Variants in TGFA observed in about 807,000 individuals in gnomAD.
TGFA encodes protransforming growth factor alpha.
A neutral mutation model predicts 21.7 loss-of-function variants in TGFA; 12 were observed. The observed-to-expected ratio is 0.55, with a 90% CI of 0.35 to 0.90. The LOEUF is 0.90. Among genes scored for constraint, TGFA ranks in the 40% least tolerant of loss-of-function variants. TGFA has a pLI of 0.01. For synonymous variants in TGFA, 79 were observed against 88.1 expected (o/e 0.90, Z 0.58); for missense variants, 178 against 210.8 (o/e 0.84, Z 0.96).
At chr2:70,504,469 C>CATACATATATATATATATATATATAT (rs1553499794) in intron 2 of TGFA, among the ~76,000 whole-genome samples, 7 of 80,646 alleles carry the variant, frequency 8.7e-5, no homozygotes, top group Admixed American at 1.3e-4. Flanking sequence ...TATATACACA[C>CATACATATATATATATATATATATAT]ATACATACAT....
chr2:70,528,484 T>C (rs1672709491), intron 1 of TGFA, among the ~76,000 whole-genome samples: 1 of 89,388 alleles, frequency 1.1e-5, no homozygotes, highest in Non-Finnish European at 2.2e-5. Flanking sequence ...AAGGCAGGGG[T>C]TGGGGGAGTG....
intron 2 of TGFA, among the ~76,000 whole-genome samples, chr2:70,508,105 A>G (rs1180937521): frequency 3.9e-5 from 6 of 152,350 alleles, no homozygotes; most frequent in African/African-American, 1.4e-4. Context: ...GTTTTGGAAA[A>G]ATGAAGACGA....
chr2:70,528,668 A>G (rs2103896311), intron 1 of TGFA, among the ~76,000 whole-genome samples: 1 of 152,356 alleles, frequency 6.6e-6, no homozygotes, highest in East Asian at 1.9e-4. Context: ...CCCACAAAAA[A>G]GATGATGTAT....
intron 2 of TGFA, among the ~76,000 whole-genome samples, chr2:70,497,263 T>C (rs1265370395): frequency 6.6e-6 from 1 of 152,258 alleles, no homozygotes; most frequent in East Asian, 1.9e-4. Context: ...TTACTATGTA[T>C]GTTCTTGTAG....
intron 2 of TGFA, among the ~76,000 whole-genome samples, chr2:70,504,433 A>AATATAGATATATAT (rs1671838560): frequency 1.6e-5 from 1 of 62,444 alleles, no homozygotes; most frequent in Non-Finnish European, 3.2e-5. Flanking sequence ...AAACAAAACA[A>AATATAGATATATAT]ATATATATAT....
At chr2:70,474,408 C>T (rs1670862839) in intron 2 of TGFA, among the ~76,000 whole-genome samples, 1 of 152,202 alleles carries the variant, frequency 6.6e-6, no homozygotes, top group Admixed American at 6.5e-5. Context: ...TCCCAACCCA[C>T]AAATCACGCT....
At chr2:70,539,065 A>T (rs1482244370) in intron 1 of TGFA, among the ~76,000 whole-genome samples, 1 of 152,248 alleles carries the variant, frequency 6.6e-6, no homozygotes, top group Non-Finnish European at 1.5e-5. Context: ...TGATTTGCTG[A>T]AGGCTTAGAT....
intron 1 of TGFA, among the ~76,000 whole-genome samples, chr2:70,548,606 C>T (rs1306968356): frequency 1.3e-5 from 2 of 152,218 alleles, no homozygotes; most frequent in African/African-American, 4.8e-5. Context: ...ACGTGCTAGG[C>T]ATAGAACTCA....
At chr2:70,515,819 C>G (rs1476513549) in intron 1 of TGFA, among the ~76,000 whole-genome samples, 1 of 152,150 alleles carries the variant, frequency 6.6e-6, no homozygotes, top group Admixed American at 6.5e-5. Flanking sequence ...TATTAATAAG[C>G]AGGACCACGG....
chr2:70,493,307 G>A (rs1269499574), intron 2 of TGFA, among the ~76,000 whole-genome samples: 5 of 152,174 alleles, frequency 3.3e-5, no homozygotes, highest in African/African-American at 7.2e-5. Flanking sequence ...ACAAGTGACC[G>A]GGGGAACCTG....
intron 3 of TGFA, among the ~76,000 whole-genome samples, chr2:70,465,270 C>T (rs1670519855): frequency 6.6e-6 from 1 of 152,218 alleles, no homozygotes; most frequent in African/African-American, 2.4e-5. Flanking sequence ...ATCCCAGTGC[C>T]TTGTGCTCCA....
intron 1 of TGFA, among the ~76,000 whole-genome samples, chr2:70,531,670 C>T (rs7590323): frequency 6.6e-6 from 1 of 152,210 alleles, no homozygotes; most frequent in African/African-American, 2.4e-5. Context: ...TTCTAAACAG[C>T]CACTTCCAAA....
At position 70,548,111 on chromosome 2, in the gene TGFA, T is replaced by C. The variant is rs1673373454; in HGVS notation, c.40+5617A>G. ...TCCTGAAGACTACCAGCATTAGTGATGCAAGACTTTATATGCAACCACCCT... is the reference window on the plus strand; with the variant it reads ...TCCTGAAGACTACCAGCATTAGTGACGCAAGACTTTATATGCAACCACCCT... On this transcript the variant is annotated intron_variant, in intron 1 of 5. Transcript: ENST00000295400. Among the ~76,000 whole-genome samples the C allele has an allele frequency of 2.0e-5, 3 of 152,292 alleles. 1 individual carries two copies. The South Asian group carries it at 6.2e-4, about 32-fold the overall frequency.
intron 2 of TGFA, among the ~76,000 whole-genome samples, chr2:70,503,548 A>C (rs1479375339): frequency 6.6e-6 from 1 of 150,914 alleles, no homozygotes; most frequent in Admixed American, 6.6e-5. Context: ...CGTTGCGCAC[A>C]TGTACCCTAA....
In TGFA at chr2:70,450,580, C is replaced by A; in HGVS notation, c.*279G>T. On this transcript the variant is annotated 3_prime_UTR_variant, in exon 6 of 6. Coordinates refer to ENST00000295400, the MANE Select transcript of TGFA (RefSeq NM_003236.4). ...ACTCAGACACCAACTGCTGCACACA[C>A]CTCACCTAGGTGAACAGGAGTCCGT... The A allele has an allele frequency of 2.1e-6, 1 of 473,174 alleles. No homozygotes were observed. The highest frequency in any genetic ancestry group is 3.9e-6 in the Non-Finnish European group (1 of 258,776). 29.3% of individuals were successfully genotyped at this position (473,174 alleles called of 1,614,324 possible). A position where few individuals can be genotyped will look rare whatever the true frequency, so the allele number is the denominator to read the frequency against.
At chr2:70,507,624 C>T (rs544996942) in intron 2 of TGFA, among the ~76,000 whole-genome samples, 6 of 152,306 alleles carry the variant, frequency 3.9e-5, no homozygotes, top group East Asian at 1.9e-4. Context: ...TCCCTAAGTA[C>T]GATAGTTGGG....
intron 2 of TGFA, among the ~76,000 whole-genome samples, chr2:70,488,663 G>A (rs1671338295): frequency 6.6e-6 from 1 of 152,082 alleles, no homozygotes; most frequent in African/African-American, 2.4e-5. Context: ...ATACTCTCCC[G>A]TTTGTTTTTC....
chr2:70,523,400 G>A (rs183349883), intron 1 of TGFA, among the ~76,000 whole-genome samples: 229 of 152,296 alleles, frequency 1.5e-3, no homozygotes, highest in African/African-American at 5.2e-3. Flanking sequence ...CCAGATGATT[G>A]AAGCAAACAC....
chr2:70,470,860 C>A (rs1490159880), intron 2 of TGFA, among the ~76,000 whole-genome samples: 1 of 152,086 alleles, frequency 6.6e-6, no homozygotes, highest in Non-Finnish European at 1.5e-5. Flanking sequence ...TAAAAAAAAC[C>A]CTTTTCCTGA....
Sources: allele counts gnomAD v4.1 joint callset (sites outside exome capture counted in the v4.1 genomes callset), GRCh38; gene constraint gnomAD v4.1.1; transcripts MANE v1.5; gene names NCBI Gene and HGNC (gene_info 2026-07-23, HGNC 2026-07-21).